Variants in GRID2 observed in about 807,000 individuals in gnomAD.
GRID2 encodes glutamate ionotropic receptor delta type subunit 2.
GRID2 carries 33 observed loss-of-function variants against 114.8 expected under a neutral mutation model. The observed-to-expected ratio is 0.29, with a 90% CI of 0.22 to 0.38. The LOEUF (loss-of-function observed/expected upper bound fraction) is 0.38. GRID2 is among the 10% of genes least tolerant of loss of function. The pLI, the probability that GRID2 is intolerant of heterozygous loss-of-function variation, is 1.00. For missense variants in GRID2, 1,184 were observed against 1,257.7 expected (o/e 0.94, Z 0.89); for synonymous variants, 505 against 449.9 (o/e 1.12, Z -1.55).
intron 2 of GRID2, among the ~76,000 whole-genome samples, chr4:92,901,797 T>C (rs1386506441): frequency 6.6e-6 from 1 of 151,972 alleles, no homozygotes; most frequent in Non-Finnish European, 1.5e-5. Flanking sequence ...GTATGTTTAC[T>C]AGAAATACTG....
In GRID2 at chr4:93,183,657, G is replaced by T. The variant is rs76810526; in HGVS notation, c.736-23747G>T. Among the ~76,000 whole-genome samples the T allele has an allele frequency of 4.2e-3, 635 of 152,174 alleles. 8 individuals carry two copies. Among genetic ancestry groups the T allele is most frequent in the African/African-American group, 0.015 (612 of 41,526 alleles). On this transcript the variant is annotated intron_variant, in intron 4 of 15. Transcript: ENST00000282020. The stretch of plus-strand genomic sequence containing the variant: ...TCTGTTCTCCAGGATTCTATAATGT[G>T]GCCTGGAATTAAAAGTAAAGAAAAG...
chr4:92,474,350 T>G (rs79620037), intron 1 of GRID2, among the ~76,000 whole-genome samples: 1 of 152,110 alleles, frequency 6.6e-6, no homozygotes, highest in Non-Finnish European at 1.5e-5. Flanking sequence ...TGGCAAGATT[T>G]ACTTATATTT....
rs1164393919 is a variant in GRID2 at position 92,549,240 on chromosome 4, G to A, written c.89-40891G>A. On this transcript the variant is annotated intron_variant, in intron 1 of 15. Transcript: ENST00000282020. ...ATGTATAACACTTAAATATTTGTTGGATGTAATTTATACGGTACCTACTGA... is the reference window on the plus strand; with the variant it reads ...ATGTATAACACTTAAATATTTGTTGAATGTAATTTATACGGTACCTACTGA... Among the ~76,000 whole-genome samples the A allele has an allele frequency of 2.6e-5, 4 of 151,988 alleles. No homozygotes were observed. In the East Asian group the frequency reaches 5.8e-4, roughly 22 times the overall value.
intron 1 of GRID2, among the ~76,000 whole-genome samples, chr4:92,417,103 A>G (rs1297979352): frequency 1.3e-5 from 2 of 152,024 alleles, no homozygotes; most frequent in African/African-American, 4.8e-5. Flanking sequence ...TGTAATTTTA[A>G]TGCTCAAAGA....
At chr4:93,628,829 G>A (rs779230335) in intron 14 of GRID2, among the ~76,000 whole-genome samples, 6 of 149,404 alleles carry the variant, frequency 4.0e-5, no homozygotes, top group Non-Finnish European at 5.9e-5. Context: ...GCAGTGGTGC[G>A]ATCTCGGCTC....
intron 13 of GRID2, among the ~76,000 whole-genome samples, chr4:93,608,915 G>T (rs374180704): frequency 6.5e-4 from 80 of 123,026 alleles, no homozygotes; most frequent in Middle Eastern, 4.5e-3. Context: ...TGAACTAGTT[G>T]ACAGTCCCAC....
chr4:92,600,932 G>T (rs1332784589), intron 2 of GRID2, among the ~76,000 whole-genome samples: 1 of 152,176 alleles, frequency 6.6e-6, no homozygotes, highest in African/African-American at 2.4e-5. Flanking sequence ...CACTGTGCTG[G>T]GGGCACTCCC....
At chr4:92,964,621 G>T (rs1231834381) in intron 2 of GRID2, among the ~76,000 whole-genome samples, 1 of 152,038 alleles carries the variant, frequency 6.6e-6, no homozygotes, top group Non-Finnish European at 1.5e-5. Flanking sequence ...TGAATAACTT[G>T]TTGTAGCTTC....
At chr4:92,939,295 T>C (rs954791885) in intron 2 of GRID2, among the ~76,000 whole-genome samples, 1 of 147,698 alleles carries the variant, frequency 6.8e-6, no homozygotes, top group Non-Finnish European at 1.5e-5. Context: ...TGGTTTTGAT[T>C]TGCATTTCTC....
At chr4:93,573,654 C>T (rs1384968893) in intron 13 of GRID2, among the ~76,000 whole-genome samples, 1 of 152,106 alleles carries the variant, frequency 6.6e-6, no homozygotes, top group East Asian at 1.9e-4. Flanking sequence ...GAAGTATATC[C>T]AGATCCCCCT....
At chr4:92,942,576 G>C (rs889400669) in intron 2 of GRID2, among the ~76,000 whole-genome samples, 2 of 152,054 alleles carry the variant, frequency 1.3e-5, no homozygotes, top group Non-Finnish European at 2.9e-5. Flanking sequence ...TACATTTAAG[G>C]TTCCTATTGT....
rs547490389 is a variant in GRID2 at position 92,796,211 on chromosome 4, CTG to C, written c.244+205926_244+205927del. ...GTCTTTATGACCCTTGATCTAGAGGCTGAACTAGAGATACTGTGTCTGGGGGC... is the reference window on the plus strand; with the variant it reads ...GTCTTTATGACCCTTGATCTAGAGGCAACTAGAGATACTGTGTCTGGGGGC... On this transcript the variant is annotated intron_variant, in intron 2 of 15. Coordinates refer to ENST00000282020, the MANE Select transcript of GRID2 (RefSeq NM_001510.4). Among the ~76,000 whole-genome samples the C allele has an allele frequency of 3.2e-3, 489 of 151,934 alleles. 5 individuals carry two copies. The highest frequency in any genetic ancestry group is 3.1e-3 in the Non-Finnish European group (210 of 67,906).
At chr4:93,627,115 A>G (rs558822185) in intron 14 of GRID2, among the ~76,000 whole-genome samples, 1 of 152,342 alleles carries the variant, frequency 6.6e-6, no homozygotes, top group East Asian at 1.9e-4. Flanking sequence ...CACAAAGATT[A>G]CTGCATTTCA....
chr4:93,192,265 G>A (rs1741055643), intron 4 of GRID2, among the ~76,000 whole-genome samples: 1 of 152,112 alleles, frequency 6.6e-6, no homozygotes, highest in Non-Finnish European at 1.5e-5. Context: ...GAAAAATGAA[G>A]CCTTACAATA....
At chr4:92,711,451 G>C (rs188785453) in intron 2 of GRID2, among the ~76,000 whole-genome samples, 2 of 152,216 alleles carry the variant, frequency 1.3e-5, no homozygotes, top group East Asian at 3.9e-4. Context: ...GTTTTTGTTG[G>C]TTGTCAACCA....
intron 13 of GRID2, among the ~76,000 whole-genome samples, chr4:93,551,576 T>C (rs943053767): frequency 4.6e-5 from 7 of 152,192 alleles, no homozygotes; most frequent in Admixed American, 2.6e-4. Flanking sequence ...TAGTGTTTCA[T>C]AGGTAATGGA....
intron 3 of GRID2, among the ~76,000 whole-genome samples, chr4:93,104,986 T>G (rs1285792754): frequency 3.3e-5 from 5 of 151,872 alleles, no homozygotes; most frequent in African/African-American, 2.4e-5. Context: ...CCTGACTTTT[T>G]AATGATTGCC....
intron 8 of GRID2, among the ~76,000 whole-genome samples, chr4:93,343,563 C>G (rs150806856): frequency 6.6e-6 from 1 of 152,020 alleles, no homozygotes; most frequent in African/African-American, 2.4e-5. Flanking sequence ...AAAATGGTCT[C>G]TAAAAGTTAA....
At chr4:93,323,625 A>C (rs1372925048) in intron 8 of GRID2, among the ~76,000 whole-genome samples, 1 of 151,972 alleles carries the variant, frequency 6.6e-6, no homozygotes, top group Non-Finnish European at 1.5e-5. Flanking sequence ...TTAATGTATA[A>C]ATTTCCTTGG....
Sources: allele counts gnomAD v4.1 joint callset (sites outside exome capture counted in the v4.1 genomes callset), GRCh38; gene constraint gnomAD v4.1.1; transcripts MANE v1.5; gene names NCBI Gene and HGNC (gene_info 2026-07-23, HGNC 2026-07-21).